Variants in ZNF695 observed in about 807,000 individuals in gnomAD.
ZNF695 encodes zinc finger protein SBZF3.
In ZNF695, 11 loss-of-function variants were observed where a neutral mutation model predicts 11.2. The observed-to-expected ratio is 0.98, with a 90% confidence interval of 0.62 to 1.62. ZNF695 has a LOEUF of 1.62. Ranked by LOEUF, ZNF695 falls within the 40% of genes most tolerant of loss-of-function variation. ZNF695 has a pLI of 0.00. For missense variants in ZNF695, 559 were observed against 590.5 expected, an observed-to-expected ratio of 0.95 and a Z score of 0.55; for synonymous variants, 190 against 201.4, an observed-to-expected ratio of 0.94 and a Z score of 0.48.
chr1:247,006,282 G>A (rs1406164221), intron 1 of ZNF695, among the ~76,000 whole-genome samples: 1 of 146,250 alleles, frequency 6.8e-6, no homozygotes, highest in African/African-American at 2.5e-5. Context: ...AAACAAAAAA[G>A]AACCGTTAAA....
chr1:246,959,400 G>A (rs1302445207), intron 5 of ZNF695, among the ~76,000 whole-genome samples: 1 of 132,000 alleles, frequency 7.6e-6, no homozygotes, highest in Non-Finnish European at 1.6e-5. Flanking sequence ...CACATTATCT[G>A]CTTATTCTAG....
rs530653207 is a variant in ZNF695, at chr1:246,998,466, G to A, written c.259+882C>T. Among the ~76,000 whole-genome samples the A allele has an allele frequency of 4.6e-5, 7 of 152,218 alleles. No homozygotes were observed. In the South Asian group the frequency reaches 6.2e-4, roughly 14 times the overall value. On this transcript the variant is annotated intron_variant, in intron 3 of 3. Transcript: ENST00000339986. ...AAAGAAAGAAAATTTTTAAGTAAAC[G>A]ACATTAGATTTTCTGATATTTAGGG...
At chr1:247,006,628 T>A (rs1011378185) in intron 1 of ZNF695, among the ~76,000 whole-genome samples, 9 of 152,114 alleles carry the variant, frequency 5.9e-5, no homozygotes, top group East Asian at 5.8e-4. Context: ...TCAAAAAAAA[T>A]AAATAAATAA....
intron 3 of ZNF695, 107 bp from the exon 4 acceptor site, chr1:246,988,362 A>G (rs1668919742): frequency 2.5e-6 from 2 of 796,516 alleles, no homozygotes; most frequent in Non-Finnish European, 3.8e-6. Flanking sequence ...ATAATGAAAT[A>G]CCACAGGCCC....
chr1:246,995,632 C>T (rs1029139812), intron 3 of ZNF695, among the ~76,000 whole-genome samples: 6 of 151,882 alleles, frequency 4.0e-5, no homozygotes, highest in South Asian at 2.1e-4. Flanking sequence ...GAGTTAAAGA[C>T]GAGCTTGGCC....
chr1:246,999,856 T>C (rs1194882427), intron 2 of ZNF695, 56 bp downstream of exon 2: 3 of 1,560,712 alleles, frequency 1.9e-6, no homozygotes, highest in Non-Finnish European at 2.6e-6. Flanking sequence ...AACTCATTCA[T>C]GCAAATCAGA....
At chr1:246,994,197 T>G (rs987605055) in intron 3 of ZNF695, among the ~76,000 whole-genome samples, 7 of 152,062 alleles carry the variant, frequency 4.6e-5, no homozygotes, top group African/African-American at 7.2e-5. Context: ...TCAGGGCAGA[T>G]GTACTGAGAA....
chr1:246,993,650 T>C (rs1238058553), intron 3 of ZNF695, among the ~76,000 whole-genome samples: 1 of 151,662 alleles, frequency 6.6e-6, no homozygotes, highest in African/African-American at 2.4e-5. Flanking sequence ...AAAATAAATA[T>C]CCAGATAGCA....
chr1:246,978,415 T>C (rs1668621897), intron 4 of ZNF695, among the ~76,000 whole-genome samples: 1 of 152,206 alleles, frequency 6.6e-6, no homozygotes, highest in South Asian at 2.1e-4. Context: ...TTTTGTAAGG[T>C]TTTACATTTT....
rs530359835 is a variant in ZNF695 at position 247,007,778 on chromosome 1, G to A, written c.3+128C>T. On this transcript the variant is annotated intron_variant, in intron 1 of 3. Coordinates refer to ENST00000339986, the MANE Select transcript of ZNF695 (RefSeq NM_020394.5). Reference sequence around the variant, plus strand: ...GACTGAGGGCCGAGCTGCGCCAGCGGGACTCGGCCGCACACTCCGGAGCCG... The same window carrying A: ...GACTGAGGGCCGAGCTGCGCCAGCGAGACTCGGCCGCACACTCCGGAGCCG... 5.1e-5 allele frequency: 56 copies of A among 1,103,782 alleles called. No homozygotes were observed. In the East Asian group the frequency reaches 1.6e-3, roughly 32 times the overall value. The allele number at this position is 1,103,782 out of a possible 1,614,324, so 68.4% of individuals were successfully genotyped here.
chr1:246,993,778 T>C (rs1274775768), intron 3 of ZNF695, among the ~76,000 whole-genome samples: 1 of 151,798 alleles, frequency 6.6e-6, no homozygotes, highest in East Asian at 1.9e-4. Context: ...AAATGGAAGA[T>C]CAACAAAAAG....
intron 5 of ZNF695, among the ~76,000 whole-genome samples, chr1:246,954,975 T>C (rs1173173862): frequency 6.6e-6 from 1 of 152,118 alleles, no homozygotes. Context: ...CATCCAAATC[T>C]CATCTTGAAT....
intron 1 of ZNF695, among the ~76,000 whole-genome samples, chr1:247,005,875 T>C (rs1669517850): frequency 6.6e-6 from 1 of 152,214 alleles, no homozygotes; most frequent in Non-Finnish European, 1.5e-5. Flanking sequence ...GTCAAGTGAT[T>C]ATTCTCTGCT....
At chr1:246,991,569 A>G (rs1669033891) in intron 3 of ZNF695, among the ~76,000 whole-genome samples, 1 of 152,198 alleles carries the variant, frequency 6.6e-6, no homozygotes, top group East Asian at 1.9e-4. Context: ...CAAAACTACA[A>G]TGAGATATCA....
chr1:246,976,960 C>T (rs1281907907), intron 4 of ZNF695, among the ~76,000 whole-genome samples: 1 of 152,140 alleles, frequency 6.6e-6, no homozygotes, highest in Non-Finnish European at 1.5e-5. Flanking sequence ...TATAAATTTA[C>T]AATTCAACAT....
intron 5 of ZNF695, among the ~76,000 whole-genome samples, chr1:246,959,310 AATATATATATAT>A (rs1158852538): frequency 6.0e-4 from 31 of 51,248 alleles, no homozygotes; most frequent in South Asian, 1.8e-3. Context: ...AAAAAAAAAA[AATATATATATAT>A]ATATATATAT....
intron 3 of ZNF695, chr1:246,996,193 A>C (rs866255973): frequency 3.1e-6 from 1 of 319,672 alleles, no homozygotes; most frequent in Middle Eastern, 4.7e-4. Context: ...TAAAAATACA[A>C]AAAAAAAAGA....
At chr1:246,966,741 C>A (rs1218298957) in intron 5 of ZNF695, 1 of 455,634 alleles carries the variant, frequency 2.2e-6, no homozygotes, top group African/African-American at 2.0e-5. Flanking sequence ...GCTATGATCA[C>A]ATCACTGCAC....
At chr1:246,980,236 A>G (rs939367514) in intron 4 of ZNF695, among the ~76,000 whole-genome samples, 5 of 151,366 alleles carry the variant, frequency 3.3e-5, no homozygotes, top group African/African-American at 1.2e-4. Flanking sequence ...TAATTTGTCA[A>G]TCAGTTACAT....
Sources: gnomAD v4.1 joint callset for allele counts (sites outside exome capture counted in the v4.1 genomes callset) on GRCh38, gnomAD v4.1.1 for gene constraint, MANE v1.5 for transcripts, NCBI Gene and HGNC (gene_info 2026-07-23, HGNC 2026-07-21) for gene names.